CC2D2A: variants seen among roughly 807,000 people sequenced by gnomAD.
The protein encoded by CC2D2A is coiled-coil and C2 domain-containing protein 2A.
CC2D2A carries 155 observed loss-of-function variants against 212.9 expected under a neutral mutation model. The observed-to-expected ratio is 0.73, with a 90% CI of 0.64 to 0.83. The LOEUF is 0.83. Ranked by LOEUF, CC2D2A falls within the 40% of genes least tolerant of loss-of-function variation. CC2D2A has a pLI of 0.00. For synonymous variants in CC2D2A, 667 were observed against 686.5 expected (o/e 0.97, Z 0.44); for missense variants, 1,856 against 1,956.2 (o/e 0.95, Z 0.97).
rs1294034954 is a variant in CC2D2A, at chr4:15,599,710, A to G, written c.4674+4A>G. 6.3e-7 allele frequency: 1 copy of G among 1,593,148 alleles called. No individual in the cohort carries two copies. Among genetic ancestry groups the G allele is most frequent in the African/African-American group, 1.3e-5 (1 of 74,540 alleles). On this transcript the variant is annotated splice_donor_region_variant and intron_variant, in intron 36 of 36. Transcript: ENST00000424120. The stretch of plus-strand genomic sequence containing the variant: ...AAAACAGCTGGGAGACTACAGGGTA[A>G]GTTACAAATGGATCCTAAACTGACT...
chr4:15,522,835 C>G (rs1463542117), intron 11 of CC2D2A, among the ~76,000 whole-genome samples: 1 of 151,920 alleles, frequency 6.6e-6, no homozygotes, highest in Non-Finnish European at 1.5e-5. Context: ...TGTTGAAAAG[C>G]AGGCCCGGCG....
chr4:15,574,239 T>G lies in CC2D2A; in HGVS notation c.3684T>G (p.Ser1228=). ...RNMILERGFD[S]VRSLSEGSYI... is the part of the protein sequence containing the mutation. ...TGATTCTTGAGCGGGGTTTTGATTC[T>G]GTCCGAAGCTTAAGTGAAGGCTCCT... Residue 1228 remains serine, a synonymous_variant, in exon 29 of 37, where the codon TCT becomes TCG. Transcript: ENST00000424120. The G allele has an allele frequency of 6.4e-7, 1 of 1,551,598 alleles. No homozygotes were observed. Among genetic ancestry groups the G allele is most frequent in the East Asian group, 2.4e-5 (1 of 40,906 alleles).
chr4:15,553,931 T>G (rs1298138594), intron 19 of CC2D2A, among the ~76,000 whole-genome samples: 1 of 152,192 alleles, frequency 6.6e-6, no homozygotes, highest in African/African-American at 2.4e-5. Context: ...CAGGCCTCAG[T>G]TGCCTCATCT....
At chr4:15,556,491 C>A (rs1037700658) in intron 20 of CC2D2A, among the ~76,000 whole-genome samples, 1 of 152,098 alleles carries the variant, frequency 6.6e-6, no homozygotes, top group Non-Finnish European at 1.5e-5. Context: ...TCAATAGACA[C>A]GTCACTTTCA....
At position 15,533,194 on chromosome 4, in the gene CC2D2A, C is replaced by A. The variant is rs1288358527; in HGVS notation, c.1468C>A (p.Gln490Lys). 1.4e-5 allele frequency: 22 copies of A among 1,577,274 alleles called. No individual in the cohort carries two copies. Among genetic ancestry groups the A allele is most frequent in the South Asian group, 1.2e-5 (1 of 82,178 alleles). ...CTCATGTGTTATTATATCTTGCAGA[C>A]AAACAAGAAAATTCCGTGATGCTGA... is the stretch of plus-strand genomic sequence containing the variant. The part of the protein sequence containing the change: ...TINEYKSEIR[Q>K]TRKFRDAEQE... The change falls in exon 14 of 37, where the codon CAA (glutamine) becomes AAA (lysine). Residue 490 changes from glutamine to lysine, a missense_variant and splice_region_variant. By Grantham distance (53) the Gln-to-Lys change is moderately conservative (BLOSUM62 1). Transcript: ENST00000424120.
rs188018643 is a variant in CC2D2A, at chr4:15,515,936, G to A, written c.949G>A (p.Gly317Arg). Reference protein sequence around the residue: ...RFLEDEGLYTGVRPEVARTNQ... With the variant: ...RFLEDEGLYTRVRPEVARTNQ... The stretch of plus-strand genomic sequence containing the variant: ...CCTGGAAGATGAAGGCCTTTACACC[G>A]GGGTAAGACCAGAGGTGGCACGCAC... The change falls in exon 10 of 37, where the codon GGG becomes AGG. Residue 317 changes from glycine (G) to arginine (R), a missense_variant. By Grantham distance (125) the Gly-to-Arg change is moderately radical. Transcript: ENST00000424120. The A allele has an allele frequency of 4.4e-5, 69 of 1,568,296 alleles. 1 individual carries two copies. Among genetic ancestry groups the A allele is most frequent in the East Asian group, 3.1e-4 (13 of 42,240 alleles).
chr4:15,567,781 A>G lies in CC2D2A; in HGVS notation c.3393A>G (p.Pro1131=). ...NPSWNEELEL[P]FRAPNGDYST... ...GCTGGAATGAAGAACTAGAACTTCC[A>G]TTTAGGTAAGCATATTTTCCTCTTT... The change falls in exon 26 of 37, where the codon CCA becomes CCG. Residue 1131 remains proline, a synonymous_variant. Transcript: ENST00000424120. 6.3e-7 allele frequency: 1 copy of G among 1,584,082 alleles called. No individual in the cohort carries two copies. The highest frequency in any genetic ancestry group is 8.6e-7 in the Non-Finnish European group (1 of 1,167,612).
chr4:15,554,085 T>G (rs1202373685), intron 19 of CC2D2A, among the ~76,000 whole-genome samples: 1 of 152,182 alleles, frequency 6.6e-6, no homozygotes, highest in African/African-American at 2.4e-5. Context: ...CATGTCCATG[T>G]GATAAAAACC....
At chr4:15,555,335 A>G in intron 20 of CC2D2A, 125 bp downstream of exon 20, 1 of 1,215,858 alleles carries the variant, frequency 8.2e-7, no homozygotes, top group Non-Finnish European at 1.1e-6. Flanking sequence ...CCAAGTTTGA[A>G]TTCCAGCTGT....
At chr4:15,581,279 T>C (rs1273226514) in intron 30 of CC2D2A, among the ~76,000 whole-genome samples, 1 of 152,218 alleles carries the variant, frequency 6.6e-6, no homozygotes, top group East Asian at 1.9e-4. Context: ...CTATTCTACC[T>C]AGCATAGTAG....
In CC2D2A at chr4:15,574,223, A is replaced by G; in HGVS notation, c.3668A>G (p.Glu1223Gly). ...GYSKERNMIL[E>G]RGFDSVRSLS... The stretch of plus-strand genomic sequence containing the variant: ...AGTAAGGAGCGAAATATGATTCTTG[A>G]GCGGGGTTTTGATTCTGTCCGAAGC... The change falls in exon 29 of 37, where the codon GAG (glutamate) becomes GGG (glycine). Residue 1223 changes from glutamate (E) to glycine (G), a missense_variant. Glu to Gly is a moderately conservative substitution (Grantham distance 98, BLOSUM62 -2). Around this residue, in one of 5 missense-constraint regions of CC2D2A, gnomAD observed 1,512 missense variants for 1,579.3 expected, o/e 0.96. Coordinates refer to ENST00000424120, the MANE Select transcript of CC2D2A (RefSeq NM_001378615.1). 1 of 1,551,482 alleles carries G rather than the reference A, an allele frequency of 6.4e-7. No homozygotes were observed. Among genetic ancestry groups the G allele is most frequent in the Non-Finnish European group, 8.7e-7 (1 of 1,146,834 alleles).
chr4:15,504,981 G>C (rs975136957), intron 6 of CC2D2A, among the ~76,000 whole-genome samples: 1 of 152,154 alleles, frequency 6.6e-6, no homozygotes, highest in African/African-American at 2.4e-5. Flanking sequence ...TGTGACCTTT[G>C]AGTTTAGCTA....
chr4:15,490,278 TC>T (rs1429884115), intron 4 of CC2D2A, among the ~76,000 whole-genome samples: 1 of 152,202 alleles, frequency 6.6e-6, no homozygotes, highest in Non-Finnish European at 1.5e-5. Context: ...CACAAAAAGT[TC>T]CTTTGTGCCT....
intron 22 of CC2D2A, 87 bp downstream of exon 22, chr4:15,559,344 A>G (rs1314032461): frequency 2.5e-6 from 2 of 798,044 alleles, no homozygotes; most frequent in African/African-American, 1.8e-5. Flanking sequence ...TTAAATATCT[A>G]TGTGAGCTTA....
chr4:15,515,309 T>A (rs1051010719), intron 9 of CC2D2A, among the ~76,000 whole-genome samples: 2 of 152,246 alleles, frequency 1.3e-5, no homozygotes, highest in African/African-American at 4.8e-5. Flanking sequence ...GGGCCTGGCC[T>A]GGATTCCCAG....
chr4:15,530,694 T>C (rs1717803884), intron 13 of CC2D2A, among the ~76,000 whole-genome samples: 1 of 152,040 alleles, frequency 6.6e-6, no homozygotes, highest in South Asian at 2.1e-4. Context: ...TTCCATCCCT[T>C]GCTGACTTTT....
chr4:15,472,074 T>C (rs967142712), intron 1 of CC2D2A, among the ~76,000 whole-genome samples: 2 of 152,196 alleles, frequency 1.3e-5, no homozygotes. Context: ...AAGCACAGAA[T>C]AATTATTGAT....
At chr4:15,542,218 A>T (rs1309201930) in intron 17 of CC2D2A, among the ~76,000 whole-genome samples, 17 of 152,138 alleles carry the variant, frequency 1.1e-4, no homozygotes, top group Admixed American at 1.1e-3. Flanking sequence ...TTCTGGGCGG[A>T]CATCAATATG....
At chr4:15,541,885 C>T (rs768282643) in intron 17 of CC2D2A, among the ~76,000 whole-genome samples, 1 of 152,094 alleles carries the variant, frequency 6.6e-6, no homozygotes, top group Non-Finnish European at 1.5e-5. Context: ...TGTGTTTACT[C>T]ACAGTTCTGG....
Sources: allele counts gnomAD v4.1 joint callset (sites outside exome capture counted in the v4.1 genomes callset), GRCh38; gene constraint gnomAD v4.1.1; regional missense constraint gnomAD v4.1.1; transcripts MANE v1.5; gene names NCBI Gene and HGNC (gene_info 2026-07-23, HGNC 2026-07-21).